Variants in CDH12 observed in about 807,000 individuals in gnomAD.
CDH12 encodes the protein cadherin-12.
CDH12 carries 41 observed loss-of-function variants against 74.1 expected under a neutral mutation model. The observed-to-expected ratio is 0.55, with a 90% CI of 0.43 to 0.72. The LOEUF is 0.72. Ranked by LOEUF, CDH12 falls within the 30% of genes least tolerant of loss-of-function variation. The probability of loss-of-function intolerance (pLI) is 0.00; values close to 1 mark genes in which losing one functional copy is unlikely to be tolerated. For synonymous variants in CDH12, 399 were observed against 355.0 expected (o/e 1.12, Z -1.39); for missense variants, 945 against 977.2 (o/e 0.97, Z 0.44).
intron 1 of CDH12, among the ~76,000 whole-genome samples, chr5:22,793,715 T>C (rs1251535622): frequency 6.6e-6 from 1 of 151,704 alleles, no homozygotes; most frequent in Admixed American, 6.6e-5. Context: ...AGGAACATCA[T>C]AAAGCCTGAT....
chr5:22,678,549 A>C (rs1741330993), intron 1 of CDH12, among the ~76,000 whole-genome samples: 1 of 152,120 alleles, frequency 6.6e-6, no homozygotes, highest in Admixed American at 6.6e-5. Context: ...TGCCCATTCT[A>C]GTGGTGCTGG....
chr5:22,493,817 A>G (rs932083955), intron 2 of CDH12, among the ~76,000 whole-genome samples: 2 of 152,200 alleles, frequency 1.3e-5, no homozygotes, highest in Non-Finnish European at 1.5e-5. Flanking sequence ...AGATGAGACC[A>G]TGGGACCTGG....
intron 2 of CDH12, among the ~76,000 whole-genome samples, chr5:22,422,265 A>G (rs1199608739): frequency 6.6e-6 from 1 of 152,134 alleles, no homozygotes; most frequent in Non-Finnish European, 1.5e-5. Context: ...AGGTTCCATT[A>G]ATACCTAGTT....
intron 2 of CDH12, among the ~76,000 whole-genome samples, chr5:22,436,648 C>A (rs959906842): frequency 6.6e-6 from 1 of 151,808 alleles, no homozygotes; most frequent in East Asian, 1.9e-4. Context: ...ACTCACTGGG[C>A]GGATACGCTA....
At chr5:21,808,814 T>G (rs2149933448) in intron 9 of CDH12, among the ~76,000 whole-genome samples, 1 of 152,216 alleles carries the variant, frequency 6.6e-6, no homozygotes, top group East Asian at 1.9e-4. Flanking sequence ...CTCAATATTT[T>G]ATATAAAAAA....
At chr5:22,562,586 AT>A (rs568879284) in intron 1 of CDH12, among the ~76,000 whole-genome samples, 42 of 150,036 alleles carry the variant, frequency 2.8e-4, no homozygotes, top group Admixed American at 1.2e-3. Flanking sequence ...ACTGGAAGGG[AT>A]TTTTTTTTTC....
intron 1 of CDH12, among the ~76,000 whole-genome samples, chr5:22,567,233 T>C (rs1739332200): frequency 6.6e-6 from 1 of 152,218 alleles, no homozygotes; most frequent in Non-Finnish European, 1.5e-5. Context: ...AGCCACATTG[T>C]ATTAGATCCA....
intron 1 of CDH12, among the ~76,000 whole-genome samples, chr5:22,776,439 G>A (rs1453639330): frequency 3.9e-5 from 6 of 152,150 alleles, no homozygotes; most frequent in Admixed American, 3.9e-4. Flanking sequence ...GTATGTGTGT[G>A]CATGTGTATA....
At chr5:22,036,848 A>G (rs560142530) in intron 5 of CDH12, among the ~76,000 whole-genome samples, 128 of 152,344 alleles carry the variant, frequency 8.4e-4, no homozygotes, top group Middle Eastern at 6.8e-3. Context: ...CAGCATTTAG[A>G]TAACTCATTT....
chr5:22,443,628 T>C (rs1055713851), intron 2 of CDH12, among the ~76,000 whole-genome samples: 2 of 152,078 alleles, frequency 1.3e-5, no homozygotes, highest in Admixed American at 1.3e-4. Context: ...GAATTTATGA[T>C]ACAAACGCAT....
At chr5:22,048,040 T>C (rs1237861688) in intron 5 of CDH12, among the ~76,000 whole-genome samples, 1 of 152,146 alleles carries the variant, frequency 6.6e-6, no homozygotes, top group Non-Finnish European at 1.5e-5. Flanking sequence ...GGGATACTTT[T>C]GTTTGCAGGG....
At chr5:22,392,387 G>C (rs1742284324) in intron 3 of CDH12, among the ~76,000 whole-genome samples, 1 of 152,064 alleles carries the variant, frequency 6.6e-6, no homozygotes, top group African/African-American at 2.4e-5. Flanking sequence ...CCCTACTTTT[G>C]TTTCTCAACT....
chr5:22,346,983 T>C (rs989685031), intron 3 of CDH12, among the ~76,000 whole-genome samples: 3 of 152,210 alleles, frequency 2.0e-5, no homozygotes, highest in Non-Finnish European at 4.4e-5. Context: ...TTTTGAGTAA[T>C]ACAGAAAACC....
At chr5:22,311,052 A>AT (rs1738366889) in intron 3 of CDH12, among the ~76,000 whole-genome samples, 1 of 152,112 alleles carries the variant, frequency 6.6e-6, no homozygotes, top group Admixed American at 6.5e-5. Flanking sequence ...TTTTATATTT[A>AT]CTTTATGTTA....
At chr5:22,681,814 A>T (rs1741508254) in intron 1 of CDH12, among the ~76,000 whole-genome samples, 1 of 151,940 alleles carries the variant, frequency 6.6e-6, no homozygotes, top group South Asian at 2.1e-4. Flanking sequence ...GAATTAGGAG[A>T]TTGTTTGTTT....
At chr5:21,899,772 T>G (rs1753297676) in intron 6 of CDH12, among the ~76,000 whole-genome samples, 2 of 143,558 alleles carry the variant, frequency 1.4e-5, no homozygotes, top group Admixed American at 7.5e-5. Context: ...AATAATAACA[T>G]TCTTCTAGCT....
At chr5:22,035,635 C>A (rs774269209) in intron 5 of CDH12, among the ~76,000 whole-genome samples, 3 of 151,302 alleles carry the variant, frequency 2.0e-5, no homozygotes, top group Non-Finnish European at 2.9e-5. Context: ...GAACTGACCC[C>A]AATTTAGAAT....
At chr5:22,162,664 T>A (rs1290314155) in intron 4 of CDH12, among the ~76,000 whole-genome samples, 1 of 152,044 alleles carries the variant, frequency 6.6e-6, no homozygotes, top group Non-Finnish European at 1.5e-5. Flanking sequence ...ATATATTAAG[T>A]TTATTTGTAA....
intron 1 of CDH12, among the ~76,000 whole-genome samples, chr5:22,721,579 A>T (rs1743891019): frequency 6.6e-6 from 1 of 152,072 alleles, no homozygotes; most frequent in Non-Finnish European, 1.5e-5. Context: ...ATGAGTTGAG[A>T]CTTTGGAGGA....
Sources: allele counts gnomAD v4.1 joint callset (sites outside exome capture counted in the v4.1 genomes callset), GRCh38; gene constraint gnomAD v4.1.1; transcripts MANE v1.5; gene names NCBI Gene and HGNC (gene_info 2026-07-23, HGNC 2026-07-21).